Variants in CLCN6 observed in about 807,000 individuals in gnomAD.
The protein encoded by CLCN6 is Cl-/H+ antiporter 6, also known as H(+)/Cl(-) exchange transporter 6.
In CLCN6, 70 loss-of-function variants were observed where a neutral mutation model predicts 109.8. The ratio of observed to expected loss-of-function variants is 0.64; its 90% CI spans 0.53 to 0.78. The LOEUF (loss-of-function observed/expected upper bound fraction) is 0.78. Among genes scored for constraint, CLCN6 ranks in the 30% least tolerant of loss-of-function variants. CLCN6 has a pLI of 0.00. For synonymous variants in CLCN6, 444 were observed against 447.8 expected, an observed-to-expected ratio of 0.99 and a Z score of 0.11; for missense variants, 984 against 1,142.3, an observed-to-expected ratio of 0.86 and a Z score of 2.00.
At position 11,834,283 on chromosome 1, in the gene CLCN6, G is replaced by T; in HGVS notation, c.1574G>T (p.Gly525Val). ...TATTCGGGGACCTTTGCCCTGATTG[G>T]TGCAGCGGCTTTCTTGGGCGGGGTG... is the stretch of plus-strand genomic sequence containing the variant. ...HIYSGTFALI[G>V]AAAFLGGVVR... Residue 525 changes from glycine to valine, a missense_variant, in exon 16 of 23, where the codon GGT becomes GTT. Physicochemically the swap from Gly to Val is moderately radical, Grantham distance 109 (BLOSUM62 -3). Coordinates refer to ENST00000346436, the MANE Select transcript of CLCN6 (RefSeq NM_001286.5). This position sits in a 1 kb window ranked among gnomAD's most constrained non-coding sequence, Gnocchi z 4.5. The T allele has an allele frequency of 6.2e-7, 1 of 1,614,104 alleles. No homozygotes were observed. The highest frequency in any genetic ancestry group is 8.5e-7 in the Non-Finnish European group (1 of 1,180,022).
intron 3 of CLCN6, 121 bp from the exon 4 acceptor site, chr1:11,816,494 C>A: frequency 1.1e-6 from 1 of 877,422 alleles, no homozygotes; most frequent in Non-Finnish European, 1.8e-6. Context: ...ATCCCAACAT[C>A]ATCTTTACTG....
At chr1:11,822,977 C>T (rs1246540480) in intron 6 of CLCN6, among the ~76,000 whole-genome samples, 176 bp downstream of exon 6, 4 of 152,096 alleles carry the variant, frequency 2.6e-5, no homozygotes, top group Non-Finnish European at 5.9e-5. Flanking sequence ...GAAAGGCCTC[C>T]CAGGTGATGC....
intron 8 of CLCN6, 40 bp from the exon 9 acceptor site, chr1:11,826,116 T>C (rs774922489): frequency 5.4e-6 from 8 of 1,486,758 alleles, no homozygotes; most frequent in Non-Finnish European, 6.5e-6. Context: ...TTTGGTTATA[T>C]GAGTAGGCTC....
rs200413727 is a variant in CLCN6, at chr1:11,828,517, C to T, written c.1014C>T (p.Val338=). ...CAGCTATGGATTTGGGTTTCTTCGT[C>T]GTGATGGGGGTCATTGGGGGCCTCC... ...LWTAMDLGFF[V]VMGVIGGLLG... The change falls in exon 12 of 23, where the codon GTC becomes GTT. Residue 338 remains valine (V), a synonymous_variant. Coordinates refer to ENST00000346436, the MANE Select transcript of CLCN6 (RefSeq NM_001286.5). 36 of 1,614,082 alleles carry T rather than the reference C, an allele frequency of 2.2e-5. No homozygotes were observed. Among genetic ancestry groups the T allele is most frequent in the African/African-American group, 4.0e-5 (3 of 75,000 alleles).
rs1465823236 is a variant in CLCN6 at position 11,838,591 on chromosome 1, C to T, written c.2460C>T (p.Val820=). 6.2e-7 allele frequency: 1 copy of T among 1,613,690 alleles called. No homozygotes were observed. ...TCACCGTCTCGCCCAACACCCACGT[C>T]TCCCAAGTCTTCAACCTGTTCAGAA... is the stretch of plus-strand genomic sequence containing the variant. ...SPFTVSPNTH[V]SQVFNLFRTM... The change falls in exon 22 of 23, where the codon GTC becomes GTT. Residue 820 remains valine, a synonymous_variant. Transcript: ENST00000346436.
intron 1 of CLCN6, 124 bp from the exon 2 acceptor site, chr1:11,807,007 C>A: frequency 1.2e-6 from 1 of 833,424 alleles, no homozygotes; most frequent in Non-Finnish European, 1.9e-6. Context: ...TTTTTGAGGG[C>A]TGGTTCCTAT....
chr1:11,826,666 CCTT>C (rs1215387272), intron 9 of CLCN6, among the ~76,000 whole-genome samples: 1 of 152,192 alleles, frequency 6.6e-6, no homozygotes, highest in Non-Finnish European at 1.5e-5. Context: ...TCACGGACCA[CCTT>C]CTTTTTGTAT....
chr1:11,838,462 C>A lies in CLCN6; in HGVS notation c.2403+20C>A. On this transcript the variant is annotated intron_variant, in intron 21 of 22. Transcript: ENST00000346436. ...ATCGTGGTGAGAAGGGCTGCCCCGG[C>A]CTGTCCCATGCGGAGCTGCCTCTTC... The A allele has an allele frequency of 6.2e-7, 1 of 1,613,150 alleles. No individual in the cohort carries two copies. The highest frequency in any genetic ancestry group is 8.5e-7 in the Non-Finnish European group (1 of 1,179,248).
intron 9 of CLCN6, 27 bp from the exon 10 acceptor site, chr1:11,827,062 G>T: frequency 6.2e-7 from 1 of 1,610,450 alleles, no homozygotes; most frequent in Non-Finnish European, 8.5e-7. Context: ...CTCTTTATTG[G>T]ATAACCCGTC....
intron 4 of CLCN6, among the ~76,000 whole-genome samples, chr1:11,818,645 C>G (rs1644703942): frequency 6.6e-6 from 1 of 152,222 alleles, no homozygotes; most frequent in Admixed American, 6.5e-5. Flanking sequence ...GAGTTAAAGG[C>G]AAGAAGCTTT....
At chr1:11,829,043 A>G (rs1260043098) in intron 12 of CLCN6, among the ~76,000 whole-genome samples, 153 bp from the exon 13 acceptor site, 2 of 152,234 alleles carry the variant, frequency 1.3e-5, no homozygotes, top group Admixed American at 6.5e-5. Flanking sequence ...ACAGCAAATC[A>G]CGGATCAATT....
chr1:11,828,648 C>T (rs200724457), intron 12 of CLCN6, 24 bp downstream of exon 12: 1 of 1,574,178 alleles, frequency 6.4e-7, no homozygotes, highest in South Asian at 1.2e-5. Context: ...CGCCTCCCCC[C>T]CGAGCCTGCT....
chr1:11,830,737 TTATATATATA>T (rs369772847), intron 13 of CLCN6, among the ~76,000 whole-genome samples: 18 of 91,124 alleles, frequency 2.0e-4, no homozygotes, highest in Non-Finnish European at 3.7e-4. Context: ...TATGTATATA[TTATATATATA>T]TATATATATA....
rs746555061 is a variant in CLCN6 at position 11,840,220 on chromosome 1, C to G, written c.2607C>G (p.Ile869Met). The G allele has an allele frequency of 7.4e-6, 12 of 1,612,346 alleles. No homozygotes were observed. The highest frequency in any genetic ancestry group is 1.0e-5 in the Non-Finnish European group (12 of 1,179,752). Residue 869 changes from isoleucine to methionine, a missense_variant, in exon 23 of 23, where the codon ATC (isoleucine) becomes ATG (methionine). Ile to Met is a conservative substitution (Grantham distance 10, BLOSUM62 1). Transcript: ENST00000346436. The part of the protein sequence containing the change: ...QARLRQHYQT[I>M] ...GGCTGAGGCAGCACTACCAGACCATCTGACAGCCCAGCCCACCCTCTCCTG... is the reference window on the plus strand; with the variant it reads ...GGCTGAGGCAGCACTACCAGACCATGTGACAGCCCAGCCCACCCTCTCCTG...
Position 11,822,730 on chromosome 1 carries a change from C to G in CLCN6, c.382C>G (p.Leu128Val). ...GTGCAGCCAGAAAGGCTGCCTCGCT[C>G]TGTCTCTCCTTGAACTCCTGGGTTT... is the stretch of plus-strand genomic sequence containing the variant. The part of the protein sequence containing the change: ...EECSQKGCLA[L>V]SLLELLGFNL... Residue 128 changes from leucine (L) to valine (V), a missense_variant, in exon 6 of 23, where the codon CTG (leucine) becomes GTG (valine). Leu to Val is a conservative substitution (Grantham distance 32). Transcript: ENST00000346436. 3 of 1,614,130 alleles carry G rather than the reference C, an allele frequency of 1.9e-6. No homozygotes were observed. Among genetic ancestry groups the G allele is most frequent in the Non-Finnish European group, 2.5e-6 (3 of 1,179,992 alleles).
At chr1:11,824,300 A>G (rs1451011362) in intron 7 of CLCN6, among the ~76,000 whole-genome samples, 186 bp from the exon 8 acceptor site, 1 of 152,196 alleles carries the variant, frequency 6.6e-6, no homozygotes. Flanking sequence ...TTTAGAATGT[A>G]GAGTGTTTTC....
Position 11,807,148 on chromosome 1 carries a change from A to G in CLCN6, c.105A>G (p.Thr35=). The G allele has an allele frequency of 6.2e-7, 1 of 1,614,172 alleles. No individual in the cohort carries two copies. Among genetic ancestry groups the G allele is most frequent in the Non-Finnish European group, 8.5e-7 (1 of 1,180,006 alleles). Residue 35 remains threonine (T), a synonymous_variant, in exon 2 of 23, where the codon ACA becomes ACG. Coordinates refer to ENST00000346436, the MANE Select transcript of CLCN6 (RefSeq NM_001286.5). ...TPEELTILGE[T]QEEEDEILPR... is the part of the protein sequence containing the mutation. ...TTTTCTAGACCATCCTTGGAGAAAC[A>G]CAGGAGGAGGAGGATGAGATTCTTC...
intron 10 of CLCN6, 80 bp from the exon 11 acceptor site, chr1:11,828,026 T>C: frequency 9.7e-7 from 1 of 1,032,930 alleles, no homozygotes; most frequent in Non-Finnish European, 1.5e-6. Context: ...CGTAGAGCAG[T>C]GGGTACCAGG....
At chr1:11,819,306 TG>T (rs139473956) in intron 4 of CLCN6, among the ~76,000 whole-genome samples, 181 bp from the exon 5 acceptor site, 5,639 of 152,332 alleles carry the variant, frequency 0.037, 154 homozygotes, top group Middle Eastern at 0.078. Context: ...GCAGTGGGAC[TG>T]GGCTGGAGAA....
Sources: gnomAD v4.1 joint callset for allele counts (sites outside exome capture counted in the v4.1 genomes callset) on GRCh38, gnomAD v4.1.1 for gene constraint, Gnocchi (gnomAD v3.1) non-coding constraint, MANE v1.5 for transcripts, NCBI Gene and HGNC (gene_info 2026-07-23, HGNC 2026-07-21) for gene names.